The following STAU1 variants were observed in gnomAD, a reference collection of about 807,000 sequenced individuals.
The protein encoded by STAU1 is staufen double-stranded RNA binding protein 1.
In STAU1, 13 loss-of-function variants were observed where a neutral mutation model predicts 62.9. The ratio of observed to expected loss-of-function variants is 0.21; its 90% CI spans 0.13 to 0.33. The LOEUF (loss-of-function observed/expected upper bound fraction) is 0.33, where lower values mean the gene tolerates loss of function less well. STAU1 is among the 10% of genes least tolerant of loss of function. The probability of loss-of-function intolerance (pLI) is 1.00; values close to 1 mark genes in which losing one functional copy is unlikely to be tolerated. For missense variants in STAU1, 571 were observed against 712.1 expected, an observed-to-expected ratio of 0.80 and a Z score of 2.25; for synonymous variants, 269 against 265.1, an observed-to-expected ratio of 1.01 and a Z score of -0.14.
At chr20:49,176,912 GTTTT>G (rs11368238) in intron 1 of STAU1, among the ~76,000 whole-genome samples, 11 of 135,724 alleles carry the variant, frequency 8.1e-5, no homozygotes, top group African/African-American at 2.1e-4. Context: ...AGGGTGTCTA[GTTTT>G]TTTTTTTTTT....
At chr20:49,212,935 T>C in the STAU1 span, among the ~76,000 whole-genome samples, 8 of 152,256 alleles carry the variant, frequency 5.3e-5, no homozygotes, top group African/African-American at 1.9e-4. Context: ...GGGTAATATG[T>C]GTTACCCAAT....
At chr20:49,116,845 T>C (rs1318506575) in intron 12 of STAU1, among the ~76,000 whole-genome samples, 2 of 152,104 alleles carry the variant, frequency 1.3e-5, no homozygotes, top group Non-Finnish European at 2.9e-5. Context: ...GAGTGCAGTC[T>C]CTGGGTGAGC....
intron 6 of STAU1, among the ~76,000 whole-genome samples, chr20:49,132,156 G>A (rs1033168733): frequency 2.6e-5 from 4 of 151,994 alleles, no homozygotes; most frequent in African/African-American, 9.7e-5. Flanking sequence ...TGATTTTAAA[G>A]AACTCCCATA....
intron 6 of STAU1, among the ~76,000 whole-genome samples, chr20:49,124,890 A>G (rs1480746830): frequency 2.6e-5 from 4 of 152,052 alleles, no homozygotes; most frequent in African/African-American, 7.2e-5. Flanking sequence ...GCAACTGGCA[A>G]AAAGGAAGCT....
intron 9 of STAU1, among the ~76,000 whole-genome samples, chr20:49,119,775 G>A (rs3818261): frequency 0.015 from 2,338 of 152,158 alleles, 69 homozygotes; most frequent in South Asian, 0.086. Context: ...CACAATCAAC[G>A]ATCTAACCCA....
Position 49,113,584 on chromosome 20 carries a change from A to T in STAU1, c.*1294T>A, listed in dbSNP as rs2092232292. On this transcript the variant is annotated 3_prime_UTR_variant, in exon 14 of 14. Coordinates refer to ENST00000371856, the MANE Select transcript of STAU1 (RefSeq NM_017453.4). ...TTTTACTTACATTCCATGGGGAGAA[A>T]AATTCCAGCGTAAACAATGAATGGA... is the stretch of plus-strand genomic sequence containing the variant. 2 of 152,598 alleles carry T rather than the reference A, an allele frequency of 1.3e-5. No individual in the cohort carries two copies. The highest frequency in any genetic ancestry group is 4.8e-5 in the African/African-American group (2 of 41,434). 9.5% of individuals were successfully genotyped at this position (152,598 alleles called of 1,614,324 possible).
At chr20:49,156,964 C>T (rs1211131766) in intron 3 of STAU1, among the ~76,000 whole-genome samples, 1 of 151,990 alleles carries the variant, frequency 6.6e-6, no homozygotes, top group African/African-American at 2.4e-5. Context: ...GCAACCTCCA[C>T]CTCCTGGGTT....
chr20:49,154,450 AC>A (rs2044916938), intron 3 of STAU1, among the ~76,000 whole-genome samples: 1 of 152,174 alleles, frequency 6.6e-6, no homozygotes, highest in African/African-American at 2.4e-5. Flanking sequence ...AATCAATATA[AC>A]CTTGGTTGTA....
Position 49,124,439 on chromosome 20 carries a change from G to A in STAU1, c.758C>T (p.Pro253Leu), listed in dbSNP as rs911938215. 2.5e-6 allele frequency: 4 copies of A among 1,614,012 alleles called. No homozygotes were observed. Among genetic ancestry groups the A allele is most frequent in the East Asian group, 2.2e-5 (1 of 44,894 alleles). The part of the protein sequence containing the change: ...IAVLEELKKL[P>L]PLPAVERVKP... ...TACTCGTTCAACTGCAGGCAGGGGC[G>A]GTAACTTCTTCAGCTCCTCAAGAAC... Residue 253 changes from proline to leucine, a missense_variant, in exon 7 of 14, where the codon CCG (proline) becomes CTG (leucine). Physicochemically the swap from Pro to Leu is moderately conservative, Grantham distance 98 (BLOSUM62 -3). Transcript: ENST00000371856.
intron 6 of STAU1, among the ~76,000 whole-genome samples, chr20:49,132,736 G>A (rs1396881156): frequency 6.6e-6 from 1 of 150,750 alleles, no homozygotes; most frequent in African/African-American, 2.4e-5. Flanking sequence ...TCCAGCCTGC[G>A]CAACAAGAGC....
the STAU1 span, among the ~76,000 whole-genome samples, chr20:49,198,481 T>C: frequency 6.6e-6 from 1 of 152,094 alleles, no homozygotes; most frequent in Non-Finnish European, 1.5e-5. Context: ...CACTCCAGCC[T>C]GGGCAACACA....
chr20:49,171,874 C>T (rs2093601663), intron 2 of STAU1, among the ~76,000 whole-genome samples: 1 of 150,780 alleles, frequency 6.6e-6, no homozygotes, highest in Non-Finnish European at 1.5e-5. Flanking sequence ...ACTAAATCAC[C>T]CAATAATAAA....
chr20:49,207,500 T>C, the STAU1 span, among the ~76,000 whole-genome samples: 2 of 152,180 alleles, frequency 1.3e-5, no homozygotes, highest in Non-Finnish European at 2.9e-5. Context: ...TTTAAATGAA[T>C]TTTAAATTTT....
intron 1 of STAU1, among the ~76,000 whole-genome samples, chr20:49,180,337 C>CG (rs941353369): frequency 6.6e-6 from 1 of 150,784 alleles, no homozygotes; most frequent in Non-Finnish European, 1.5e-5. Flanking sequence ...TTTTTTCCCC[C>CG]CCTGGATACA....
At chr20:49,188,520 G>A (rs976179398), upstream of STAU1, among the ~76,000 whole-genome samples, 14 of 152,180 alleles carry the variant, frequency 9.2e-5, no homozygotes, top group Non-Finnish European at 1.5e-4. Context: ...AGCGGGAGGA[G>A]CGCCCTGTCC....
At chr20:49,121,211 A>T (rs1468468533) in intron 8 of STAU1, among the ~76,000 whole-genome samples, 2 of 152,126 alleles carry the variant, frequency 1.3e-5, no homozygotes, top group Non-Finnish European at 2.9e-5. Context: ...GTTCGAGACC[A>T]GTCTGGCCAA....
intron 4 of STAU1, among the ~76,000 whole-genome samples, chr20:49,153,267 AAG>A (rs1555853350): frequency 4.8e-5 from 7 of 144,774 alleles, no homozygotes; most frequent in African/African-American, 1.7e-4. Flanking sequence ...AAAAAAAAAA[AAG>A]AAGCACAAAG....
chr20:49,174,360 T>C (rs1476922506), intron 1 of STAU1, 91 bp from the exon 2 acceptor site: 1 of 152,154 alleles, frequency 6.6e-6, no homozygotes, highest in Admixed American at 6.5e-5. Context: ...AAACCTATAA[T>C]TTACAAGTAG....
intron 3 of STAU1, chr20:49,158,988 T>C (rs768078965): frequency 1.1e-4 from 143 of 1,300,034 alleles, no homozygotes; most frequent in Non-Finnish European, 1.4e-4. Flanking sequence ...CTTTATTATA[T>C]GTTCTGCAGT....
Sources: allele counts gnomAD v4.1 joint callset (sites outside exome capture counted in the v4.1 genomes callset), GRCh38; gene constraint gnomAD v4.1.1; transcripts MANE v1.5; gene names NCBI Gene and HGNC (gene_info 2026-07-23, HGNC 2026-07-21).